VEPH1: variants seen among roughly 807,000 people sequenced by gnomAD.
The protein encoded by VEPH1 is ventricular zone expressed PH domain containing 1.
In VEPH1, 80 loss-of-function variants were observed where a neutral mutation model predicts 85.2. The observed-to-expected ratio is 0.94, with a 90% CI of 0.78 to 1.13. VEPH1 has a LOEUF of 1.13. Among genes scored for constraint, VEPH1 ranks in the 50% most tolerant of loss-of-function variants. The pLI is 0.00. For missense variants in VEPH1, 955 were observed against 980.5 expected (o/e 0.97, Z 0.35); for synonymous variants, 297 against 348.0 (o/e 0.85, Z 1.63).
intron 9 of VEPH1, among the ~76,000 whole-genome samples, chr3:157,344,856 C>T (rs1441427767): frequency 2.0e-5 from 3 of 152,114 alleles, no homozygotes; most frequent in East Asian, 1.9e-4. Flanking sequence ...GAACAGAACC[C>T]TCAGAAATAA....
At chr3:157,393,797 G>A (rs1965246) in intron 6 of VEPH1, among the ~76,000 whole-genome samples, 101,278 of 152,062 alleles carry the variant, frequency 0.67, 34,026 homozygotes, top group South Asian at 0.75. Flanking sequence ...TTTAACCAGC[G>A]GTCATCACTC....
At position 157,477,195 on chromosome 3, in the gene VEPH1, T is replaced by TTG. The variant is rs553500966; in HGVS notation, c.139-6667_139-6666insCA. 3.7e-3 allele frequency among the ~76,000 whole-genome samples: 558 copies of TTG among 151,896 alleles called. 2 individuals carry two copies. The highest frequency in any genetic ancestry group is 0.013 in the African/African-American group (538 of 41,474). ...CCTCTGGAGGCTCTGAGGGCATTTT[T>TTG]TTTTTTTTTAATCTGTTCTAGCTTC... On this transcript the variant is annotated intron_variant, in intron 2 of 13. Transcript: ENST00000362010.
chr3:157,464,486 A>G (rs1196041681), intron 3 of VEPH1, among the ~76,000 whole-genome samples: 2 of 152,230 alleles, frequency 1.3e-5, no homozygotes, highest in African/African-American at 4.8e-5. Context: ...CTTGCTTCTC[A>G]GTGCAGATGT....
chr3:157,278,754 G>A (rs1715714225), intron 12 of VEPH1, among the ~76,000 whole-genome samples: 1 of 152,188 alleles, frequency 6.6e-6, no homozygotes, highest in Admixed American at 6.5e-5. Flanking sequence ...TAGATTGGAT[G>A]GGGGTGGTGG....
intron 7 of VEPH1, among the ~76,000 whole-genome samples, chr3:157,379,245 A>G (rs1219155645): frequency 2.0e-5 from 3 of 152,062 alleles, no homozygotes; most frequent in African/African-American, 7.2e-5. Context: ...CTACTGAACA[A>G]ATTATCTTTC....
intron 11 of VEPH1, among the ~76,000 whole-genome samples, chr3:157,294,706 A>C (rs959852943): frequency 2.6e-5 from 4 of 152,186 alleles, no homozygotes; most frequent in African/African-American, 9.7e-5. Context: ...ATAGTGTATT[A>C]GTTTAGGGCT....
chr3:157,341,551 GGT>G (rs201596435), intron 9 of VEPH1, among the ~76,000 whole-genome samples: 33,291 of 151,928 alleles, frequency 0.22, 4,449 homozygotes, highest in Admixed American at 0.42. Context: ...ATGTCTGATT[GGT>G]GTACCTGAAA....
Position 157,306,567 on chromosome 3 carries a change from C to T in VEPH1, c.2010+7054G>A, listed in dbSNP as rs532797790. ...TTTTCCACATTCCTCTATCAAGGGA[C>T]ATTTGGGTTGCTCCTGATTTTTTGC... On this transcript the variant is annotated intron_variant, in intron 11 of 13. Coordinates refer to ENST00000362010, the MANE Select transcript of VEPH1 (RefSeq NM_001167912.2). 8.4e-4 allele frequency among the ~76,000 whole-genome samples: 128 copies of T among 152,110 alleles called. 1 individual carries two copies. The highest frequency in any genetic ancestry group is 5.9e-4 in the Non-Finnish European group (40 of 67,914).
chr3:157,332,632 C>T (rs1722612265), intron 9 of VEPH1, among the ~76,000 whole-genome samples: 1 of 152,070 alleles, frequency 6.6e-6, no homozygotes, highest in South Asian at 2.1e-4. Context: ...TTTCATTTGC[C>T]TCCTCATTCA....
chr3:157,299,967 G>A (rs1001457890), intron 11 of VEPH1, among the ~76,000 whole-genome samples: 6 of 152,148 alleles, frequency 3.9e-5, no homozygotes, highest in Non-Finnish European at 8.8e-5. Flanking sequence ...TCCCTGCGAA[G>A]TGTTTACTGC....
chr3:157,497,340 T>C (rs1935268682), intron 1 of VEPH1, among the ~76,000 whole-genome samples: 1 of 152,122 alleles, frequency 6.6e-6, no homozygotes, highest in South Asian at 2.1e-4. Context: ...GAGAAGACGC[T>C]TGGAGGAAGA....
chr3:157,472,590 GT>G (rs934509400), intron 2 of VEPH1, among the ~76,000 whole-genome samples: 1 of 152,072 alleles, frequency 6.6e-6, no homozygotes, highest in African/African-American at 2.4e-5. Flanking sequence ...TGTCATGGGA[GT>G]TTGTTATACA....
Position 157,414,074 on chromosome 3 carries a change from A to G in VEPH1, c.713T>C (p.Ile238Thr). ...KKQLEVVQKC[I>T]PFLIGHLKDS... The stretch of plus-strand genomic sequence containing the variant: ...CTTCAAATGCCCAATTAGGAAAGGA[A>G]TACACTTCTGAACTACCTATAAAGA... The change falls in exon 6 of 14, where the codon ATT becomes ACT. Residue 238 changes from isoleucine to threonine, a missense_variant. Ile to Thr is a moderately conservative substitution (Grantham distance 89). Coordinates refer to ENST00000362010, the MANE Select transcript of VEPH1 (RefSeq NM_001167912.2). 1.9e-6 allele frequency: 3 copies of G among 1,611,428 alleles called. No homozygotes were observed. The highest frequency in any genetic ancestry group is 2.5e-6 in the Non-Finnish European group (3 of 1,178,488).
chr3:157,437,915 G>T (rs1188149746), intron 4 of VEPH1: 1 of 1,527,920 alleles, frequency 6.5e-7, no homozygotes. Context: ...CTGCCGGCAG[G>T]TAAGGAGGCA....
chr3:157,432,946 C>A (rs1733281047), intron 4 of VEPH1, among the ~76,000 whole-genome samples: 2 of 151,978 alleles, frequency 1.3e-5, no homozygotes, highest in South Asian at 4.1e-4. Context: ...TTAGCTTTGT[C>A]TTATGTTAAA....
At position 157,470,368 on chromosome 3, in the gene VEPH1, G is replaced by A. The variant is rs762402315; in HGVS notation, c.300C>T (p.Asp100=). The change falls in exon 3 of 14, where the codon GAC becomes GAT. Residue 100 remains aspartate, a synonymous_variant. Transcript: ENST00000362010. ...CGATTTTTGCATGAGGAGTGTCTTC[G>A]TCTTTCCCAAAGGGTCTCAGGTTAT... ...LEHNLRPFGK[D]EDTPHAKIAS... 26 of 1,613,940 alleles carry A rather than the reference G, an allele frequency of 1.6e-5. No individual in the cohort carries two copies. In the Admixed American group the frequency reaches 3.7e-4, roughly 23 times the overall value.
chr3:157,325,980 C>T (rs1194763639), intron 9 of VEPH1, among the ~76,000 whole-genome samples: 1 of 152,054 alleles, frequency 6.6e-6, no homozygotes, highest in African/African-American at 2.4e-5. Flanking sequence ...AATGTTTTTC[C>T]ATTTCTTTGT....
chr3:157,421,851 A>AT (rs1488582767), intron 5 of VEPH1, among the ~76,000 whole-genome samples: 1 of 152,116 alleles, frequency 6.6e-6, no homozygotes, highest in Non-Finnish European at 1.5e-5. Flanking sequence ...CCCAGGTAGG[A>AT]TCCTGGCATG....
At chr3:157,292,739 T>C (rs1717637672) in intron 11 of VEPH1, among the ~76,000 whole-genome samples, 1 of 146,250 alleles carries the variant, frequency 6.8e-6, no homozygotes, top group Non-Finnish European at 1.5e-5. Context: ...ATCCCAGCAC[T>C]TTGGGAGGCG....
Sources: allele counts gnomAD v4.1 joint callset (sites outside exome capture counted in the v4.1 genomes callset), GRCh38; gene constraint gnomAD v4.1.1; transcripts MANE v1.5; gene names NCBI Gene and HGNC (gene_info 2026-07-23, HGNC 2026-07-21).